Variants in SPAG16 observed in about 807,000 individuals in gnomAD.
SPAG16 encodes the protein sperm-associated antigen 16 protein.
Under a neutral mutation model 80.4 loss-of-function variants are expected in SPAG16, and 86 were observed. That is an observed-to-expected ratio of 1.07 (90% CI 0.90 to 1.28). SPAG16 has a LOEUF of 1.28. SPAG16 is among the 50% of genes most tolerant of loss of function. The pLI, the probability that SPAG16 is intolerant of heterozygous loss-of-function variation, is 0.00. For synonymous variants in SPAG16, 294 were observed against 265.9 expected, an observed-to-expected ratio of 1.11 and a Z score of -1.03; for missense variants, 870 against 765.3, an observed-to-expected ratio of 1.14 and a Z score of -1.61.
intron 10 of SPAG16, among the ~76,000 whole-genome samples, chr2:213,508,144 A>G (rs1413686745): frequency 6.6e-6 from 1 of 152,254 alleles, no homozygotes; most frequent in East Asian, 1.9e-4. Flanking sequence ...CTATAAATAC[A>G]CATGCACACG....
At chr2:213,609,038 A>G (rs2061358400) in intron 10 of SPAG16, among the ~76,000 whole-genome samples, 1 of 152,262 alleles carries the variant, frequency 6.6e-6, no homozygotes, top group Non-Finnish European at 1.5e-5. Flanking sequence ...ATAAAAGCAG[A>G]CGATCTTTTA....
intron 15 of SPAG16, among the ~76,000 whole-genome samples, chr2:214,210,192 C>A: frequency 6.6e-6 from 1 of 151,982 alleles, no homozygotes; most frequent in East Asian, 1.9e-4. Flanking sequence ...TTTAAGTATT[C>A]ATGAAAGACT....
At chr2:213,564,167 C>T (rs1043634497) in intron 10 of SPAG16, among the ~76,000 whole-genome samples, 1 of 152,002 alleles carries the variant, frequency 6.6e-6, no homozygotes, top group African/African-American at 2.4e-5. Context: ...CAATGATTGA[C>T]TGAGGATAGA....
At chr2:214,190,438 A>C (rs1244294166) in intron 15 of SPAG16, among the ~76,000 whole-genome samples, 1 of 152,170 alleles carries the variant, frequency 6.6e-6, no homozygotes, top group Non-Finnish European at 1.5e-5. Flanking sequence ...TATAAAATTG[A>C]TAGCTCAAAT....
chr2:213,537,892 T>A (rs1428897483), intron 10 of SPAG16, among the ~76,000 whole-genome samples: 1 of 152,190 alleles, frequency 6.6e-6, no homozygotes, highest in Non-Finnish European at 1.5e-5. Context: ...CAGACCTTTC[T>A]CAAGCTTACT....
At chr2:213,392,176 A>G (rs2067789144) in intron 9 of SPAG16, among the ~76,000 whole-genome samples, 2 of 152,192 alleles carry the variant, frequency 1.3e-5, no homozygotes, top group Non-Finnish European at 2.9e-5. Flanking sequence ...GGTATATGCC[A>G]TTGTGTTGTG....
intron 15 of SPAG16, among the ~76,000 whole-genome samples, chr2:214,179,356 C>G (rs2057236038): frequency 6.6e-6 from 1 of 151,218 alleles, no homozygotes; most frequent in Non-Finnish European, 1.5e-5. Context: ...TAATTAGGCA[C>G]TGTGGTGCTG....
intron 10 of SPAG16, among the ~76,000 whole-genome samples, chr2:213,733,180 G>A (rs2067132559): frequency 6.6e-6 from 1 of 150,986 alleles, no homozygotes. Context: ...GTCTGTTCAT[G>A]TAAAGGGTTC....
chr2:213,944,185 C>T (rs2079340980), intron 12 of SPAG16, among the ~76,000 whole-genome samples: 1 of 152,198 alleles, frequency 6.6e-6, no homozygotes. Flanking sequence ...ATAGGCCATA[C>T]AGAGGCTGCC....
At chr2:214,039,301 G>A (rs1360557033) in intron 13 of SPAG16, among the ~76,000 whole-genome samples, 1 of 152,142 alleles carries the variant, frequency 6.6e-6, no homozygotes, top group African/African-American at 2.4e-5. Flanking sequence ...CAGTGATGAT[G>A]AGCATTTTTT....
At chr2:214,182,988 G>A (rs1038494718) in intron 15 of SPAG16, among the ~76,000 whole-genome samples, 2 of 151,954 alleles carry the variant, frequency 1.3e-5, no homozygotes, top group East Asian at 3.9e-4. Flanking sequence ...CTGGCATATA[G>A]TAAATACACA....
At chr2:213,702,795 T>C (rs746619464) in intron 10 of SPAG16, among the ~76,000 whole-genome samples, 16 of 152,148 alleles carry the variant, frequency 1.1e-4, no homozygotes, top group Non-Finnish European at 1.6e-4. Flanking sequence ...GGCCTATTTC[T>C]AGAGTTGATA....
At chr2:213,943,404 T>C (rs2079297902) in intron 12 of SPAG16, among the ~76,000 whole-genome samples, 2 of 152,112 alleles carry the variant, frequency 1.3e-5, no homozygotes, top group South Asian at 4.1e-4. Flanking sequence ...TTAGAGAATA[T>C]ATAAGTGATC....
chr2:213,318,590 C>T (rs1226946986), intron 5 of SPAG16, among the ~76,000 whole-genome samples: 2 of 151,810 alleles, frequency 1.3e-5, no homozygotes, highest in Non-Finnish European at 1.5e-5. Flanking sequence ...CATCACTATG[C>T]AATATATCCA....
At chr2:214,317,697 C>A (rs1695786017) in intron 15 of SPAG16, among the ~76,000 whole-genome samples, 2 of 152,176 alleles carry the variant, frequency 1.3e-5, no homozygotes, top group Admixed American at 1.3e-4. Flanking sequence ...ATCAGCTTTC[C>A]TTTCCTGATG....
chr2:213,310,034 A>G, intron 3 of SPAG16, 25 bp from the exon 4 acceptor site: 1 of 1,420,978 alleles, frequency 7.0e-7, no homozygotes, highest in Middle Eastern at 1.8e-4. Flanking sequence ...TTTTCAGAAT[A>G]AATAAATGCA....
intron 10 of SPAG16, among the ~76,000 whole-genome samples, chr2:213,806,445 T>C (rs769522868): frequency 3.9e-5 from 6 of 152,132 alleles, no homozygotes; most frequent in African/African-American, 4.8e-5. Context: ...TGTTTTGTAA[T>C]GGTAAAGATG....
At chr2:213,862,766 G>A in intron 11 of SPAG16, 138 bp downstream of exon 11, 1 of 920,886 alleles carries the variant, frequency 1.1e-6, no homozygotes, top group African/African-American at 1.6e-5. Flanking sequence ...AAAGTGTATA[G>A]ACAAATTCCC....
chr2:213,305,259 G>A (rs761622229), intron 3 of SPAG16, among the ~76,000 whole-genome samples: 1 of 151,946 alleles, frequency 6.6e-6, no homozygotes, highest in Admixed American at 6.6e-5. Context: ...AGTCCTTTTG[G>A]TGAATAGGTT....
Sources: allele counts gnomAD v4.1 joint callset (sites outside exome capture counted in the v4.1 genomes callset), GRCh38; gene constraint gnomAD v4.1.1; transcripts MANE v1.5; gene names NCBI Gene and HGNC (gene_info 2026-07-23, HGNC 2026-07-21).